The following RAD51B variants were observed in gnomAD, a reference collection of about 807,000 sequenced individuals.
RAD51B encodes the protein RAD51 paralog B.
A neutral mutation model predicts 42.2 loss-of-function variants in RAD51B; 38 were observed. That is an observed-to-expected ratio of 0.90 (90% CI 0.70 to 1.18). The LOEUF (loss-of-function observed/expected upper bound fraction) is 1.18, where lower values mean the gene tolerates loss of function less well. RAD51B is among the 50% of genes most tolerant of loss of function. The pLI is 0.00. For synonymous variants in RAD51B, 154 were observed against 145.2 expected (o/e 1.06, Z -0.43); for missense variants, 373 against 400.7 (o/e 0.93, Z 0.59).
intron 4 of RAD51B, among the ~76,000 whole-genome samples, chr14:67,835,712 A>C (rs1220009740): frequency 6.6e-6 from 1 of 151,860 alleles, no homozygotes; most frequent in Non-Finnish European, 1.5e-5. Flanking sequence ...AAAAACCCAG[A>C]AACCATTTAG....
chr14:67,903,883 T>G (rs2043692518), intron 7 of RAD51B, among the ~76,000 whole-genome samples: 1 of 152,104 alleles, frequency 6.6e-6, no homozygotes, highest in South Asian at 2.1e-4. Context: ...AGTAGGTAGT[T>G]TTTCAGTGCA....
intron 10 of RAD51B, chr14:68,540,933 G>C: frequency 1.0e-6 from 1 of 985,304 alleles, no homozygotes; most frequent in East Asian, 1.1e-4. Flanking sequence ...AGAGAGGCAG[G>C]GCATGCTTTC....
At chr14:68,068,006 T>A (rs2076682796) in intron 7 of RAD51B, among the ~76,000 whole-genome samples, 1 of 144,742 alleles carries the variant, frequency 6.9e-6, no homozygotes, top group Non-Finnish European at 1.5e-5. Context: ...TCTTAGAGAA[T>A]GGGTCTGATT....
At chr14:68,448,928 T>C (rs1245964063) in intron 9 of RAD51B, among the ~76,000 whole-genome samples, 2 of 152,146 alleles carry the variant, frequency 1.3e-5, no homozygotes, top group East Asian at 3.9e-4. Flanking sequence ...GGAGGGAAAA[T>C]CCTCTAATGG....
intron 1 of RAD51B, among the ~76,000 whole-genome samples, chr14:67,820,519 T>TA (rs1251715658): frequency 6.6e-6 from 1 of 152,196 alleles, no homozygotes; most frequent in Non-Finnish European, 1.5e-5. Flanking sequence ...GCAATACACA[T>TA]ACGTGCTTTC....
chr14:68,630,645 G>A (rs1393885888), intron 10 of RAD51B, among the ~76,000 whole-genome samples: 1 of 152,188 alleles, frequency 6.6e-6, no homozygotes. Context: ...AGGTGCCAGG[G>A]TTTATACTCC....
At chr14:68,519,384 A>G (rs1324370527) in intron 10 of RAD51B, among the ~76,000 whole-genome samples, 1 of 152,244 alleles carries the variant, frequency 6.6e-6, no homozygotes, top group Admixed American at 6.5e-5. Flanking sequence ...TGAGGTTATT[A>G]ATAAATTCAA....
At chr14:68,388,485 GA>G (rs1365174791) in intron 8 of RAD51B, among the ~76,000 whole-genome samples, 3 of 152,004 alleles carry the variant, frequency 2.0e-5, no homozygotes, top group African/African-American at 7.3e-5. Context: ...ATTTAGTTGA[GA>G]AACACTGAAG....
chr14:68,021,496 T>C (rs2075865580), intron 7 of RAD51B, among the ~76,000 whole-genome samples: 1 of 152,218 alleles, frequency 6.6e-6, no homozygotes, highest in African/African-American at 2.4e-5. Flanking sequence ...TTTTAGAACG[T>C]CATTTTTTCA....
chr14:68,331,409 GT>G (rs1157868974), intron 8 of RAD51B, among the ~76,000 whole-genome samples: 1 of 122,966 alleles, frequency 8.1e-6, no homozygotes, highest in Non-Finnish European at 1.9e-5. Flanking sequence ...CATTATTGTG[GT>G]TTCAATGGAT....
chr14:68,292,153 T>C (rs183699308), intron 8 of RAD51B, among the ~76,000 whole-genome samples, 173 bp downstream of exon 8: 2 of 152,316 alleles, frequency 1.3e-5, no homozygotes, highest in Non-Finnish European at 2.9e-5. Flanking sequence ...TCTCTTATAT[T>C]GGGGAGTCTT....
chr14:68,456,024 T>TTAA (rs1261214662), intron 9 of RAD51B, among the ~76,000 whole-genome samples: 1 of 152,212 alleles, frequency 6.6e-6, no homozygotes, highest in African/African-American at 2.4e-5. Context: ...AGTTAAAATG[T>TTAA]TAATGGCAAT....
intron 7 of RAD51B, among the ~76,000 whole-genome samples, chr14:68,239,232 C>T (rs1177662589): frequency 6.6e-6 from 1 of 152,132 alleles, no homozygotes; most frequent in East Asian, 1.9e-4. Flanking sequence ...CCTGTCCTTC[C>T]TATGGCATTT....
At chr14:68,057,210 G>A (rs1438131656) in intron 7 of RAD51B, among the ~76,000 whole-genome samples, 3 of 151,814 alleles carry the variant, frequency 2.0e-5, no homozygotes, top group South Asian at 2.1e-4. Flanking sequence ...TATGGCAAAC[G>A]AGGTGATTAC....
chr14:68,150,875 C>G (rs2078364106), intron 7 of RAD51B, among the ~76,000 whole-genome samples: 2 of 152,114 alleles, frequency 1.3e-5, no homozygotes, highest in Non-Finnish European at 2.9e-5. Context: ...AGTTGTCATA[C>G]ATTTTACTTA....
intron 4 of RAD51B, among the ~76,000 whole-genome samples, chr14:67,852,767 G>C (rs1390948613): frequency 6.6e-6 from 1 of 150,606 alleles, no homozygotes; most frequent in Admixed American, 6.6e-5. Flanking sequence ...ATGTACGCAT[G>C]CATGTGTGTA....
intron 10 of RAD51B, among the ~76,000 whole-genome samples, chr14:68,558,318 T>C (rs914416273): frequency 1.3e-5 from 2 of 152,240 alleles, no homozygotes; most frequent in Non-Finnish European, 2.9e-5. Flanking sequence ...AGCCCAATGC[T>C]GACATGAAGG....
At chr14:68,601,993 C>A (rs773541066) in intron 10 of RAD51B, among the ~76,000 whole-genome samples, 8 of 152,186 alleles carry the variant, frequency 5.3e-5, no homozygotes, top group Non-Finnish European at 7.3e-5. Context: ...CTGCCACCCC[C>A]TCTGTGCAAG....
chr14:67,961,915 A>G (rs2074677059), intron 7 of RAD51B, among the ~76,000 whole-genome samples: 1 of 152,224 alleles, frequency 6.6e-6, no homozygotes, highest in Non-Finnish European at 1.5e-5. Flanking sequence ...GTTAGATAAA[A>G]GCCTTTTGGG....
Sources: allele counts gnomAD v4.1 joint callset (sites outside exome capture counted in the v4.1 genomes callset), GRCh38; gene constraint gnomAD v4.1.1; transcripts MANE v1.5; gene names NCBI Gene and HGNC (gene_info 2026-07-23, HGNC 2026-07-21).